The following TRMO variants were observed in gnomAD, a reference collection of about 807,000 sequenced individuals.
TRMO encodes tRNA (adenine(37)-N6)-methyltransferase.
Under a neutral mutation model 37.2 loss-of-function variants are expected in TRMO, and 30 were observed. That is an observed-to-expected ratio of 0.81 (90% CI 0.60 to 1.09). The LOEUF is 1.09. Ranked by LOEUF, TRMO falls within the 50% of genes least tolerant of loss-of-function variation. TRMO has a pLI of 0.00. For synonymous variants in TRMO, 239 were observed against 199.4 expected, an observed-to-expected ratio of 1.20 and a Z score of -1.67; for missense variants, 552 against 549.5, an observed-to-expected ratio of 1.00 and a Z score of -0.05.
chr9:97,905,595 A>C (rs117127379), intron 4 of TRMO, among the ~76,000 whole-genome samples: 2 of 142,874 alleles, frequency 1.4e-5, no homozygotes, highest in Non-Finnish European at 3.1e-5. Context: ...TTTTATTTTT[A>C]ATATGGTATG....
chr9:97,904,940 A>T lies in TRMO; in HGVS notation c.1119T>A (p.Arg373=). The part of the protein sequence containing the change: ...KYFQSAEEAK[R]AIEAVLSADP... ...CCGCTGACAGCACAGCCTCAATGGC[A>T]CGCTTTGCTTCCTCTGCTGACTGAA... is the stretch of plus-strand genomic sequence containing the variant. Residue 373 remains arginine (R), a synonymous_variant, in exon 5 of 5, where the codon CGT becomes CGA. Transcript: ENST00000375119. 6.2e-7 allele frequency: 1 copy of T among 1,614,224 alleles called. No individual in the cohort carries two copies. The highest frequency in any genetic ancestry group is 1.1e-5 in the South Asian group (1 of 91,092).
rs376134748 is a variant in TRMO at position 97,904,894 on chromosome 9, G to A, written c.1165C>T (p.Arg389Trp). 6.2e-6 allele frequency: 10 copies of A among 1,614,058 alleles called. No individual in the cohort carries two copies. Among genetic ancestry groups the A allele is most frequent in the East Asian group, 2.2e-5 (1 of 44,904 alleles). Residue 389 changes from arginine to tryptophan, a missense_variant, in exon 5 of 5, where the codon CGG (arginine) becomes TGG (tryptophan). Transcript: ENST00000375119. ...AAAAGGCGGTCCTGGCAAAGCTTCCGGCGGTACACAGACCGAGGATCCGCT... is the reference window on the plus strand; with the variant it reads ...AAAAGGCGGTCCTGGCAAAGCTTCCAGCGGTACACAGACCGAGGATCCGCT... ...LSADPRSVYR[R>W]KLCQDRLFYF...
intron 1 of TRMO, among the ~76,000 whole-genome samples, chr9:97,920,813 G>A (rs898838091): frequency 2.0e-5 from 3 of 152,114 alleles, no homozygotes; most frequent in Admixed American, 1.3e-4. Context: ...TACTCTAGAC[G>A]AATCCTCAAC....
At position 97,906,357 on chromosome 9, in the gene TRMO, C is replaced by T. The variant is rs1272425081; in HGVS notation, c.1067-1365G>A. ...TTCCCCCAATTCCCTGCCTACTCAT[C>T]CTGCCAGGCTCAGCTCAAGCACTGT... On this transcript the variant is annotated intron_variant, in intron 4 of 4. Coordinates refer to ENST00000375119, the MANE Select transcript of TRMO (RefSeq NM_016481.5). Among the ~76,000 whole-genome samples the T allele has an allele frequency of 2.6e-5, 4 of 152,078 alleles. No homozygotes were observed. In the East Asian group the frequency reaches 5.8e-4, roughly 22 times the overall value.
chr9:97,903,362 G>A (rs1825726142), downstream of TRMO, among the ~76,000 whole-genome samples: 1 of 152,188 alleles, frequency 6.6e-6, no homozygotes, highest in Admixed American at 6.5e-5. Flanking sequence ...TTTGGTTTAG[G>A]AGTACAGTGT....
chr9:97,919,685 C>T lies in TRMO; in HGVS notation c.76+2733G>A, dbSNP rs1159940463. On this transcript the variant is annotated intron_variant, in intron 1 of 4. Coordinates refer to ENST00000375119, the MANE Select transcript of TRMO (RefSeq NM_016481.5). ...TGGGGCCTAGGAATTTATATTATAG[C>T]TGATTTATCACTTCACTAAATCAGT... Among the ~76,000 whole-genome samples, 4 of 152,318 alleles carry T rather than the reference C, an allele frequency of 2.6e-5. No homozygotes were observed. In the East Asian group the frequency reaches 5.8e-4, roughly 22 times the overall value.
chr9:97,898,579 G>A, the TRMO span, among the ~76,000 whole-genome samples: 2,040 of 151,798 alleles, frequency 0.013, 39 homozygotes, highest in African/African-American at 0.046. Flanking sequence ...TTTTAGAGAC[G>A]GGCTTTTCAC....
Position 97,910,277 on chromosome 9 carries a change from A to ATC in TRMO, c.747_748dup (p.Ile250ArgfsTer2). 1.2e-6 allele frequency: 2 copies of ATC among 1,614,216 alleles called. No individual in the cohort carries two copies. Among genetic ancestry groups the ATC allele is most frequent in the Non-Finnish European group, 1.7e-6 (2 of 1,180,040 alleles). ...TGATTCCAAACCAAAATCCACTGCT[A>ATC]TCTCCCTGTGCATAGGAAATGCTTG... On this transcript the variant is annotated frameshift_variant, in exon 4 of 5. Transcript: ENST00000375119. LOFTEE classifies it high-confidence loss of function.
In TRMO at chr9:97,916,291, C is replaced by A. The variant is rs1826357877; in HGVS notation, c.124G>T (p.Ala42Ser). ...PVGYLESCFS[A>S]KNGTPRQPSI... ...GGCTGTCTTGGAGTACCATTCTTGG[C>A]CGAGAAACAAGATTCCAAGTAGCCG... Residue 42 changes from alanine (A) to serine (S), a missense_variant, in exon 2 of 5, where the codon GCC becomes TCC. Physicochemically the swap from Ala to Ser is moderately conservative, Grantham distance 99 (BLOSUM62 1). Coordinates refer to ENST00000375119, the MANE Select transcript of TRMO (RefSeq NM_016481.5). The A allele has an allele frequency of 6.2e-6, 10 of 1,613,010 alleles. No homozygotes were observed. Among genetic ancestry groups the A allele is most frequent in the African/African-American group, 2.7e-5 (2 of 74,940 alleles).
chr9:97,907,316 G>C (rs765222776), intron 4 of TRMO, among the ~76,000 whole-genome samples: 11 of 152,172 alleles, frequency 7.2e-5, no homozygotes, highest in Non-Finnish European at 2.9e-5. Context: ...AAAGGCAACA[G>C]TGTGGGCTGG....
At chr9:97,921,865 G>A (rs374827021) in intron 1 of TRMO, among the ~76,000 whole-genome samples, 1 of 152,058 alleles carries the variant, frequency 6.6e-6, no homozygotes, top group African/African-American at 2.4e-5. Flanking sequence ...CCAAGATATT[G>A]ACAATGGCTT....
chr9:97,911,205 CA>C (rs1284757472), intron 3 of TRMO: 1 of 209,582 alleles, frequency 4.8e-6, no homozygotes, highest in Non-Finnish European at 1.0e-5. Context: ...CAGAATATGG[CA>C]AAAGAGGTAT....
intron 4 of TRMO, among the ~76,000 whole-genome samples, chr9:97,907,589 G>A (rs969409853): frequency 6.6e-6 from 1 of 152,030 alleles, no homozygotes; most frequent in South Asian, 2.1e-4. Context: ...GCTTGCCTTT[G>A]CATGTCACTG....
At chr9:97,919,448 GAAAGA>G (rs146293841) in intron 1 of TRMO, among the ~76,000 whole-genome samples, 45,356 of 151,536 alleles carry the variant, frequency 0.3, 7,539 homozygotes, top group Non-Finnish European at 0.37. Context: ...GGAAAGAAAG[GAAAGA>G]AAAGAAAAGA....
chr9:97,901,154 A>G (rs571022736), downstream of TRMO, among the ~76,000 whole-genome samples: 5 of 152,352 alleles, frequency 3.3e-5, no homozygotes, highest in Admixed American at 1.3e-4. Flanking sequence ...CAAGCCAGTG[A>G]AATGGGAATA....
At chr9:97,913,307 C>T (rs759618062) in intron 3 of TRMO, 94 bp downstream of exon 3, 11 of 1,421,600 alleles carry the variant, frequency 7.7e-6, no homozygotes, top group Non-Finnish European at 1.1e-5. Flanking sequence ...ATCATTGGTA[C>T]TCGTCTGAAT....
At position 97,910,841 on chromosome 9, in the gene TRMO, T is replaced by C. The variant is rs527555407; in HGVS notation, c.410-225A>G. On this transcript the variant is annotated intron_variant, in intron 3 of 4. Coordinates refer to ENST00000375119, the MANE Select transcript of TRMO (RefSeq NM_016481.5). ...TCTTTGAGGCCCTCAAAAGCACACCTTTTACAAAGCCTTTCTGGCTCCTCC... is the reference window on the plus strand; with the variant it reads ...TCTTTGAGGCCCTCAAAAGCACACCCTTTACAAAGCCTTTCTGGCTCCTCC... 3.7e-4 allele frequency: 223 copies of C among 605,658 alleles called. 4 individuals carry two copies. The South Asian group carries it at 3.9e-3, about 11-fold the overall frequency. The allele number at this position is 605,658 out of a possible 1,614,324, so 37.5% of individuals were successfully genotyped here.
At chr9:97,913,676 T>C in intron 2 of TRMO, 118 bp from the exon 3 acceptor site, 2 of 670,222 alleles carry the variant, frequency 3.0e-6, no homozygotes, top group South Asian at 1.9e-5. Context: ...AATCATGTTT[T>C]AAATAGTATT....
intron 4 of TRMO, among the ~76,000 whole-genome samples, chr9:97,907,871 G>A (rs1035251764): frequency 2.6e-5 from 4 of 152,146 alleles, no homozygotes; most frequent in African/African-American, 9.7e-5. Flanking sequence ...GCTGTGCACT[G>A]GCTGTCCCTC....
Sources: allele counts gnomAD v4.1 joint callset (sites outside exome capture counted in the v4.1 genomes callset), GRCh38; gene constraint gnomAD v4.1.1; transcripts MANE v1.5; gene names NCBI Gene and HGNC (gene_info 2026-07-23, HGNC 2026-07-21).